SHCBP1L: variants seen among roughly 807,000 people sequenced by gnomAD.
The protein encoded by SHCBP1L is testicular spindle-associated protein SHCBP1L.
SHCBP1L carries 67 observed loss-of-function variants against 62.5 expected under a neutral mutation model. The observed-to-expected ratio is 1.07, with a 90% CI of 0.88 to 1.31. SHCBP1L has a LOEUF of 1.31. Among genes scored for constraint, SHCBP1L ranks in the 40% most tolerant of loss-of-function variants. The probability of loss-of-function intolerance (pLI) is 0.00; values close to 1 mark genes in which losing one functional copy is unlikely to be tolerated. For missense variants in SHCBP1L, 823 were observed against 809.8 expected (o/e 1.02, Z -0.20); for synonymous variants, 284 against 289.4 (o/e 0.98, Z 0.19).
At chr1:182,919,451 C>T (rs1650459386) in intron 6 of SHCBP1L, among the ~76,000 whole-genome samples, 1 of 152,186 alleles carries the variant, frequency 6.6e-6, no homozygotes. Flanking sequence ...AGGGCCCTAT[C>T]CTCTTGAAAT....
chr1:182,900,339 T>A, intron 9 of SHCBP1L, 105 bp from the exon 10 acceptor site: 1 of 984,054 alleles, frequency 1.0e-6, no homozygotes. Context: ...ATTAACAGAT[T>A]TTTTAAAACA....
intron 5 of SHCBP1L, among the ~76,000 whole-genome samples, chr1:182,937,654 T>C (rs956790733): frequency 1.3e-5 from 2 of 152,232 alleles, no homozygotes; most frequent in Admixed American, 1.3e-4. Flanking sequence ...ATTACACATA[T>C]GTTAACACCT....
At chr1:182,900,779 T>C (rs1035480092) in intron 9 of SHCBP1L, among the ~76,000 whole-genome samples, 1 of 151,952 alleles carries the variant, frequency 6.6e-6, no homozygotes, top group Non-Finnish European at 1.5e-5. Flanking sequence ...TGCCCTGTAA[T>C]CCCAGCTCTT....
At chr1:182,910,944 C>A (rs1294597192) in intron 6 of SHCBP1L, among the ~76,000 whole-genome samples, 8 of 151,898 alleles carry the variant, frequency 5.3e-5, no homozygotes, top group Admixed American at 5.2e-4. Context: ...GGCTGGAGTG[C>A]AGTGGGACAA....
intron 5 of SHCBP1L, among the ~76,000 whole-genome samples, chr1:182,938,280 T>C (rs917909517): frequency 4.6e-5 from 7 of 151,954 alleles, no homozygotes; most frequent in Non-Finnish European, 7.4e-5. Context: ...GCTAATTTTG[T>C]GTTTTTAGTA....
intron 3 of SHCBP1L, among the ~76,000 whole-genome samples, chr1:182,940,051 G>A (rs192452813): frequency 6.6e-6 from 1 of 152,040 alleles, no homozygotes; most frequent in Admixed American, 6.6e-5. Flanking sequence ...AGAAGTTAAT[G>A]TTACTTATTT....
Position 182,953,135 on chromosome 1 carries a change from T to TC in SHCBP1L, c.-3dup. On this transcript the variant is annotated 5_prime_UTR_variant, in exon 1 of 10. Transcript: ENST00000367547. ...CGAGGCCTTGGAGCCCGACGCCATC[T>TC]CCTCAGCAGCCCGAGGGCCGAGGCA... 6.3e-7 allele frequency: 1 copy of TC among 1,580,984 alleles called. No homozygotes were observed. The highest frequency in any genetic ancestry group is 8.5e-7 in the Non-Finnish European group (1 of 1,171,958).
At position 182,953,077 on chromosome 1, in the gene SHCBP1L, C is replaced by A; in HGVS notation, c.57G>T (p.Pro19=). Residue 19 remains proline (P), a synonymous_variant, in exon 1 of 10, where the codon CCG becomes CCT. Transcript: ENST00000367547. ...VPADSFRTIS[P]DRRGEKSASA... ...AGGCGGACTTCTCGCCTCGCCTGTC[C>A]GGGCTGATGGTGCGGAATGAGTCCG... The A allele has an allele frequency of 6.4e-7, 1 of 1,557,242 alleles. No homozygotes were observed. The highest frequency in any genetic ancestry group is 2.3e-5 in the East Asian group (1 of 42,554).
chr1:182,930,701 G>GTATATATATA (rs1170188487), intron 5 of SHCBP1L, among the ~76,000 whole-genome samples: 1 of 38,464 alleles, frequency 2.6e-5, no homozygotes, highest in African/African-American at 1.2e-4. Flanking sequence ...GTGTGTGTGT[G>GTATATATATA]TGTATATATA....
At chr1:182,917,817 T>A (rs1442558778) in intron 6 of SHCBP1L, among the ~76,000 whole-genome samples, 3 of 152,092 alleles carry the variant, frequency 2.0e-5, no homozygotes, top group African/African-American at 7.2e-5. Flanking sequence ...CCAAATATGC[T>A]TACATTTTAG....
At chr1:182,900,935 G>C (rs888469128) in intron 9 of SHCBP1L, among the ~76,000 whole-genome samples, 1 of 152,152 alleles carries the variant, frequency 6.6e-6, no homozygotes, top group African/African-American at 2.4e-5. Context: ...ACTTTTATCA[G>C]TTATTGATAA....
At chr1:182,929,238 A>G (rs1277107110) in intron 6 of SHCBP1L, among the ~76,000 whole-genome samples, 1 of 152,122 alleles carries the variant, frequency 6.6e-6, no homozygotes, top group Non-Finnish European at 1.5e-5. Context: ...CCCATTCTAC[A>G]TGTACCGGGT....
chr1:182,917,375 A>G (rs892871935), intron 6 of SHCBP1L, among the ~76,000 whole-genome samples: 7 of 152,166 alleles, frequency 4.6e-5, no homozygotes, highest in African/African-American at 1.4e-4. Context: ...TTACACAATA[A>G]TCTCAATTGA....
intron 6 of SHCBP1L, among the ~76,000 whole-genome samples, chr1:182,920,601 A>T (rs1223161737): frequency 1.3e-5 from 2 of 152,204 alleles, no homozygotes; most frequent in East Asian, 3.9e-4. Flanking sequence ...CAGAATCTGG[A>T]TATGAACTAA....
At chr1:182,951,232 G>A in intron 2 of SHCBP1L, 86 bp downstream of exon 2, 1 of 1,074,454 alleles carries the variant, frequency 9.3e-7, no homozygotes, top group Non-Finnish European at 1.3e-6. Flanking sequence ...CAACTCTTGT[G>A]TATCAATCTC....
intron 2 of SHCBP1L, among the ~76,000 whole-genome samples, chr1:182,949,926 T>G (rs1052145249): frequency 6.7e-6 from 1 of 150,116 alleles, no homozygotes. Flanking sequence ...CTCAGCCTCC[T>G]GAGTAGCTGG....
intron 6 of SHCBP1L, among the ~76,000 whole-genome samples, chr1:182,909,592 C>A (rs1490855107): frequency 6.6e-6 from 1 of 151,934 alleles, no homozygotes; most frequent in Admixed American, 6.6e-5. Flanking sequence ...TTTTTTCAAC[C>A]AAACACACAT....
At chr1:182,927,410 C>G (rs1244288068) in intron 6 of SHCBP1L, among the ~76,000 whole-genome samples, 1 of 152,002 alleles carries the variant, frequency 6.6e-6, no homozygotes, top group Non-Finnish European at 1.5e-5. Context: ...CGGTGGCTCA[C>G]GCCTGTAATC....
chr1:182,947,565 C>T (rs938118263), intron 2 of SHCBP1L, among the ~76,000 whole-genome samples: 4 of 152,160 alleles, frequency 2.6e-5, no homozygotes, highest in Non-Finnish European at 5.9e-5. Context: ...CACTTATATG[C>T]GTATTTTCTT....
Sources: gnomAD v4.1 joint callset for allele counts (sites outside exome capture counted in the v4.1 genomes callset) on GRCh38, gnomAD v4.1.1 for gene constraint, MANE v1.5 for transcripts, NCBI Gene and HGNC (gene_info 2026-07-23, HGNC 2026-07-21) for gene names.